MGAT4C: variants seen among roughly 807,000 people sequenced by gnomAD.
MGAT4C encodes MGAT4 family member C.
In MGAT4C, 19 loss-of-function variants were observed where a neutral mutation model predicts 40.1. The ratio of observed to expected loss-of-function variants is 0.47; its 90% CI spans 0.33 to 0.70. The LOEUF (loss-of-function observed/expected upper bound fraction) is 0.70, where lower values mean the gene tolerates loss of function less well. Ranked by LOEUF, MGAT4C falls within the 30% of genes least tolerant of loss-of-function variation. The pLI is 0.02. For missense variants in MGAT4C, 491 were observed against 563.2 expected (o/e 0.87, Z 1.30); for synonymous variants, 181 against 187.1 (o/e 0.97, Z 0.27).
rs12305222 is a variant in MGAT4C at position 86,186,289 on chromosome 12, T to C, written c.-57+69950A>G. On this transcript the variant is annotated intron_variant, in intron 1 of 4. Coordinates refer to ENST00000611864, the MANE Select transcript of MGAT4C (RefSeq NM_001351288.2). ...ATAAACAATGAACCCAAGTTCAAGC[T>C]AGCACCAATCCCAAAGTCACATCCC... 8.7e-3 allele frequency among the ~76,000 whole-genome samples: 1,329 copies of C among 152,250 alleles called. 23 individuals carry two copies. Among genetic ancestry groups the C allele is most frequent in the African/African-American group, 0.029 (1,204 of 41,544 alleles).
chr12:86,048,093 C>T (rs1892569346), intron 2 of MGAT4C, among the ~76,000 whole-genome samples: 1 of 151,896 alleles, frequency 6.6e-6, no homozygotes, highest in African/African-American at 2.4e-5. Flanking sequence ...AAGACTCAAA[C>T]AGAATTTCTT....
chr12:85,999,579 GTGTGTA>G (rs1299789669), intron 2 of MGAT4C, among the ~76,000 whole-genome samples: 1 of 67,826 alleles, frequency 1.5e-5, no homozygotes, highest in Non-Finnish European at 3.5e-5. Context: ...GTGTGTGTGT[GTGTGTA>G]TATATATATA....
intron 2 of MGAT4C, among the ~76,000 whole-genome samples, chr12:86,510,313 C>G (rs537315630): frequency 7.5e-4 from 114 of 152,132 alleles, no homozygotes; most frequent in South Asian, 3.7e-3. Flanking sequence ...CACCAACAGG[C>G]CTGCTCTAAA....
At chr12:86,436,006 T>C (rs968466155) in intron 2 of MGAT4C, among the ~76,000 whole-genome samples, 1 of 151,880 alleles carries the variant, frequency 6.6e-6, no homozygotes, top group Non-Finnish European at 1.5e-5. Context: ...TCAATAAAAA[T>C]AGTCTCAATT....
At chr12:86,526,359 G>C (rs182713705) in intron 2 of MGAT4C, among the ~76,000 whole-genome samples, 1 of 152,066 alleles carries the variant, frequency 6.6e-6, no homozygotes, top group East Asian at 1.9e-4. Context: ...ATGTACACAT[G>C]CACACTGGTG....
At chr12:86,202,059 A>C (rs987988048) in intron 1 of MGAT4C, among the ~76,000 whole-genome samples, 7 of 152,116 alleles carry the variant, frequency 4.6e-5, no homozygotes, top group African/African-American at 1.7e-4. Flanking sequence ...TTTTTCACGA[A>C]TCCAATCATT....
chr12:86,226,466 C>A (rs1280252206), intron 1 of MGAT4C, among the ~76,000 whole-genome samples: 1 of 151,880 alleles, frequency 6.6e-6, no homozygotes. Context: ...TAACCCCCCA[C>A]TGGTAAAACT....
At chr12:86,235,025 G>A (rs1243551289) in intron 1 of MGAT4C, among the ~76,000 whole-genome samples, 3 of 151,920 alleles carry the variant, frequency 2.0e-5, no homozygotes, top group Non-Finnish European at 4.4e-5. Flanking sequence ...TAAAAGACCT[G>A]TGCTTAGCCT....
At chr12:86,279,708 T>C (rs1479349510) in intron 4 of MGAT4C, among the ~76,000 whole-genome samples, 1 of 151,830 alleles carries the variant, frequency 6.6e-6, no homozygotes, top group Non-Finnish European at 1.5e-5. Flanking sequence ...TGATTTCTTA[T>C]TCTTTAATAA....
chr12:86,337,586 C>CAA (rs59069586), intron 3 of MGAT4C, among the ~76,000 whole-genome samples: 7,008 of 65,506 alleles, frequency 0.11, 583 homozygotes, highest in East Asian at 0.33. Flanking sequence ...AATCTTGTCT[C>CAA]AAAAAAAAAA....
chr12:86,758,117 G>A (rs1284020932), intron 1 of MGAT4C, among the ~76,000 whole-genome samples: 2 of 152,210 alleles, frequency 1.3e-5, no homozygotes, highest in East Asian at 3.9e-4. Flanking sequence ...GCTGTTGATT[G>A]AGATCTTACA....
At chr12:86,822,153 A>G (rs1358195589) in intron 1 of MGAT4C, among the ~76,000 whole-genome samples, 2 of 150,806 alleles carry the variant, frequency 1.3e-5, no homozygotes, top group African/African-American at 2.4e-5. Flanking sequence ...TGTGATGTAG[A>G]CCCCAAGGTC....
intron 1 of MGAT4C, among the ~76,000 whole-genome samples, chr12:86,254,814 T>C (rs114859260): frequency 6.6e-6 from 1 of 152,084 alleles, no homozygotes; most frequent in Non-Finnish European, 1.5e-5. Context: ...TTAAGCTCAC[T>C]TGTTTAGATT....
At chr12:86,299,219 T>C (rs1048715003) in intron 4 of MGAT4C, among the ~76,000 whole-genome samples, 5 of 152,146 alleles carry the variant, frequency 3.3e-5, no homozygotes, top group African/African-American at 1.2e-4. Context: ...GGGGTTCAGT[T>C]CATTCTCCTG....
chr12:86,567,687 A>C (rs950896539), intron 2 of MGAT4C, among the ~76,000 whole-genome samples: 10 of 152,176 alleles, frequency 6.6e-5, no homozygotes, highest in Non-Finnish European at 1.3e-4. Context: ...TGCTGAAGGC[A>C]ATGGGAATAC....
At chr12:86,735,792 T>C (rs1418244270) in intron 1 of MGAT4C, among the ~76,000 whole-genome samples, 1 of 151,832 alleles carries the variant, frequency 6.6e-6, no homozygotes, top group Non-Finnish European at 1.5e-5. Context: ...CACCTACATG[T>C]TTTTCTCTTA....
chr12:86,529,819 C>A (rs950200008), intron 2 of MGAT4C, among the ~76,000 whole-genome samples: 13 of 151,830 alleles, frequency 8.6e-5, no homozygotes, highest in African/African-American at 3.1e-4. Flanking sequence ...ATGAGGGATT[C>A]ATTCCAGGAG....
At chr12:86,171,678 C>T (rs191861865) in intron 1 of MGAT4C, among the ~76,000 whole-genome samples, 94 of 152,256 alleles carry the variant, frequency 6.2e-4, no homozygotes, top group Admixed American at 3.9e-3. Context: ...TTTTACTTTA[C>T]GGTGTGGCTT....
intron 2 of MGAT4C, among the ~76,000 whole-genome samples, chr12:85,992,441 A>C (rs1886063903): frequency 6.6e-6 from 1 of 152,202 alleles, no homozygotes; most frequent in Admixed American, 6.5e-5. Context: ...ACTGCCCATT[A>C]GGGTGTTGGC....
Sources: allele counts gnomAD v4.1 joint callset (sites outside exome capture counted in the v4.1 genomes callset), GRCh38; gene constraint gnomAD v4.1.1; transcripts MANE v1.5; gene names NCBI Gene and HGNC (gene_info 2026-07-23, HGNC 2026-07-21).